Variants in GALK2 observed in about 807,000 individuals in gnomAD.
GALK2 encodes the protein galactokinase 2, also known as N-acetylgalactosamine kinase.
A neutral mutation model predicts 52.4 loss-of-function variants in GALK2; 36 were observed. The observed-to-expected ratio is 0.69, with a 90% CI of 0.53 to 0.91. The LOEUF (loss-of-function observed/expected upper bound fraction) is 0.91. Among genes scored for constraint, GALK2 ranks in the 40% least tolerant of loss-of-function variants. The pLI is 0.00. For synonymous variants in GALK2, 176 were observed against 199.1 expected (o/e 0.88, Z 0.98); for missense variants, 579 against 559.1 (o/e 1.04, Z -0.36).
chr15:49,197,060 C>A (rs899435355), intron 1 of GALK2, among the ~76,000 whole-genome samples: 1 of 152,210 alleles, frequency 6.6e-6, no homozygotes, highest in African/African-American at 2.4e-5. Flanking sequence ...GCCCATTGAA[C>A]TTTAGCCTGG....
chr15:49,167,044 T>G (rs2084845463), upstream of GALK2, among the ~76,000 whole-genome samples: 1 of 152,238 alleles, frequency 6.6e-6, no homozygotes, highest in Non-Finnish European at 1.5e-5. Context: ...GCCAGGTCTG[T>G]AAGTCTCTAA....
At chr15:49,325,169 C>T (rs2037257839) in intron 9 of GALK2, among the ~76,000 whole-genome samples, 1 of 152,156 alleles carries the variant, frequency 6.6e-6, no homozygotes, top group African/African-American at 2.4e-5. Flanking sequence ...TCTGTGAATA[C>T]ACAAGGATCA....
intron 1 of GALK2, among the ~76,000 whole-genome samples, chr15:49,193,714 TTTTTTATTTTTTTA>T (rs1402830142): frequency 1.3e-5 from 2 of 151,796 alleles, no homozygotes; most frequent in Middle Eastern, 3.4e-3. Context: ...AGCATTCTGT[TTTTTTATTTTTTTA>T]TTTTTATTTT....
intron 1 of GALK2, among the ~76,000 whole-genome samples, chr15:49,189,319 C>T (rs1054365048): frequency 1.3e-5 from 2 of 152,218 alleles, no homozygotes; most frequent in South Asian, 4.1e-4. Flanking sequence ...AGGAAATTAA[C>T]ATTGATAGAA....
rs1156272079 is a variant in GALK2, at chr15:49,340,437, T to A, written c.426+20632T>A. On this transcript the variant is annotated intron_variant, in intron 3 of 3. Coordinates refer to the GALK2 transcript ENST00000558399. ...CTCCCCCCCCCGCTTTGCCTCGCCC[T>A]CCTTGGGCTGCACCCACTGTCCAAC... Among the ~76,000 whole-genome samples, 3 of 67,668 alleles carry A rather than the reference T, an allele frequency of 4.4e-5. No homozygotes were observed. In the Admixed American group the frequency reaches 5.7e-4, roughly 13 times the overall value. The allele number at this position is 67,668 out of a possible 152,430, so 44.4% of individuals were successfully genotyped here.
chr15:49,193,560 T>C (rs2086945474), intron 1 of GALK2, among the ~76,000 whole-genome samples: 1 of 152,060 alleles, frequency 6.6e-6, no homozygotes, highest in African/African-American at 2.4e-5. Flanking sequence ...CTGCATTATA[T>C]TGAAATTCAC....
At chr15:49,177,116 C>T (rs1439181305) in intron 1 of GALK2, among the ~76,000 whole-genome samples, 1 of 151,820 alleles carries the variant, frequency 6.6e-6, no homozygotes, top group African/African-American at 2.4e-5. Flanking sequence ...TAATGACACT[C>T]AAAGTTCTTT....
intron 8 of GALK2, among the ~76,000 whole-genome samples, chr15:49,306,018 ATCT>A (rs1031165522): frequency 6.6e-6 from 1 of 152,216 alleles, no homozygotes; most frequent in Non-Finnish European, 1.5e-5. Flanking sequence ...AAAGATTTTT[ATCT>A]TCTTAATGCT....
rs755691615 is a variant in GALK2, at chr15:49,358,715, T to G, written c.427-8776T>G. 8.1e-3 allele frequency among the ~76,000 whole-genome samples: 1,224 copies of G among 151,682 alleles called. 16 individuals are homozygous for G. Among genetic ancestry groups the G allele is most frequent in the African/African-American group, 0.028 (1,170 of 41,392 alleles). On this transcript the variant is annotated intron_variant, in intron 3 of 3. Coordinates refer to the GALK2 transcript ENST00000558399. Reference sequence around the variant, plus strand: ...CCCCATCAAGCTACCAATGACTTTCTTCACAGAATTGGAAAAAACTACTTT... The same window carrying G: ...CCCCATCAAGCTACCAATGACTTTCGTCACAGAATTGGAAAAAACTACTTT...
At chr15:49,285,797 C>T (rs1018990418) in intron 7 of GALK2, among the ~76,000 whole-genome samples, 3 of 152,144 alleles carry the variant, frequency 2.0e-5, no homozygotes, top group African/African-American at 7.2e-5. Context: ...AGCATGACGG[C>T]TTAGAAATTT....
intron 5 of GALK2, among the ~76,000 whole-genome samples, chr15:49,252,191 G>A (rs778477770): frequency 6.6e-6 from 1 of 152,066 alleles, no homozygotes; most frequent in Non-Finnish European, 1.5e-5. Flanking sequence ...GCTTGAACCC[G>A]GGAGGCAGAG....
At chr15:49,198,940 C>G (rs2087487210) in intron 1 of GALK2, 1 of 149,286 alleles carries the variant, frequency 6.7e-6, no homozygotes, top group Admixed American at 6.8e-5. Flanking sequence ...AGTGCAGTGG[C>G]TACTCGCAGG....
chr15:49,184,551 C>T (rs1353414255), intron 1 of GALK2, among the ~76,000 whole-genome samples: 1 of 152,078 alleles, frequency 6.6e-6, no homozygotes, highest in African/African-American at 2.4e-5. Context: ...TCTTCTCTTC[C>T]TTCCTTCCTG....
intron 1 of GALK2, among the ~76,000 whole-genome samples, chr15:49,162,907 G>A (rs2084700737): frequency 6.6e-6 from 1 of 152,152 alleles, no homozygotes; most frequent in Non-Finnish European, 1.5e-5. Flanking sequence ...AAAACAGGAT[G>A]GAAAATTGTG....
intron 5 of GALK2, among the ~76,000 whole-genome samples, chr15:49,260,602 T>G (rs1319757197): frequency 6.8e-6 from 1 of 147,854 alleles, no homozygotes; most frequent in African/African-American, 2.5e-5. Flanking sequence ...TGGCTTTTGT[T>G]GCCATTGCTT....
intron 1 of GALK2, among the ~76,000 whole-genome samples, chr15:49,189,348 G>A (rs1171659576): frequency 1.3e-5 from 2 of 152,088 alleles, no homozygotes; most frequent in African/African-American, 4.8e-5. Context: ...TCTAATTACA[G>A]ACCTGAAGTG....
At chr15:49,202,041 T>C (rs2087824573) in intron 2 of GALK2, among the ~76,000 whole-genome samples, 2 of 152,218 alleles carry the variant, frequency 1.3e-5, no homozygotes, top group Admixed American at 1.3e-4. Flanking sequence ...TTTGCTCTTA[T>C]TGCCCAGGCT....
At chr15:49,344,695 A>G (rs536548032) in intron 3 of GALK2, among the ~76,000 whole-genome samples, 6 of 152,326 alleles carry the variant, frequency 3.9e-5, no homozygotes, top group Non-Finnish European at 8.8e-5. Flanking sequence ...GAAGTCTGCA[A>G]TCTCAGTTAT....
At chr15:49,338,325 G>A (rs2040120410) in intron 3 of GALK2, among the ~76,000 whole-genome samples, 1 of 152,108 alleles carries the variant, frequency 6.6e-6, no homozygotes, top group African/African-American at 2.4e-5. Flanking sequence ...AGGCCTGGTG[G>A]TGACAAAATC....
Sources: allele counts gnomAD v4.1 joint callset (sites outside exome capture counted in the v4.1 genomes callset), GRCh38; gene constraint gnomAD v4.1.1; transcripts MANE v1.5; gene names NCBI Gene and HGNC (gene_info 2026-07-23, HGNC 2026-07-21).